PLCB4: variants seen among roughly 807,000 people sequenced by gnomAD.
The protein encoded by PLCB4 is phospholipase C beta 4, also known as 1-phosphatidylinositol 4,5-bisphosphate phosphodiesterase beta-4.
Under a neutral mutation model 178.8 loss-of-function variants are expected in PLCB4, and 77 were observed. The ratio of observed to expected loss-of-function variants is 0.43; its 90% confidence interval spans 0.36 to 0.52. The LOEUF (loss-of-function observed/expected upper bound fraction) is 0.52. Ranked by LOEUF, PLCB4 falls within the 20% of genes least tolerant of loss-of-function variation. PLCB4 has a pLI of 0.00. For missense variants in PLCB4, 1,024 were observed against 1,453.4 expected, an observed-to-expected ratio of 0.70 and a Z score of 4.80; for synonymous variants, 496 against 490.8, an observed-to-expected ratio of 1.01 and a Z score of -0.14.
intron 3 of PLCB4, among the ~76,000 whole-genome samples, chr20:9,273,905 G>A (rs1323839223): frequency 6.6e-6 from 1 of 152,064 alleles, no homozygotes; most frequent in Non-Finnish European, 1.5e-5. Context: ...GACAATGAAA[G>A]AAAGAACAGG....
chr20:9,448,811 A>T (rs1602841980), intron 32 of PLCB4, among the ~76,000 whole-genome samples: 1 of 152,182 alleles, frequency 6.6e-6, no homozygotes, highest in Non-Finnish European at 1.5e-5. Context: ...AGTTTAAGAA[A>T]TAAATGTATG....
At chr20:9,338,755 T>C (rs976590474) in intron 6 of PLCB4, 139 bp from the exon 7 acceptor site, 6 of 635,250 alleles carry the variant, frequency 9.4e-6, no homozygotes, top group Non-Finnish European at 1.6e-5. Flanking sequence ...ATTTCACCTC[T>C]ACAGGTTTTA....
At chr20:9,450,676 T>TTTTTTTTTTTTTTTCTC (rs2042708687) in intron 32 of PLCB4, among the ~76,000 whole-genome samples, 1 of 145,214 alleles carries the variant, frequency 6.9e-6, no homozygotes, top group Non-Finnish European at 1.5e-5. Context: ...TTTTTTTTTT[T>TTTTTTTTTTTTTTTCTC]TTGAGATGGA....
chr20:9,329,211 G>A (rs2031242184), intron 4 of PLCB4, among the ~76,000 whole-genome samples: 1 of 152,152 alleles, frequency 6.6e-6, no homozygotes, highest in Non-Finnish European at 1.5e-5. Flanking sequence ...ACCTGTACAA[G>A]CTTCCAGCTT....
chr20:9,288,202 G>A (rs971756381), intron 3 of PLCB4, among the ~76,000 whole-genome samples: 9 of 151,958 alleles, frequency 5.9e-5, no homozygotes, highest in African/African-American at 2.2e-4. Flanking sequence ...TAAAATTGTG[G>A]CACAGAAATG....
intron 3 of PLCB4, among the ~76,000 whole-genome samples, chr20:9,274,577 A>G (rs1352637095): frequency 2.0e-5 from 3 of 152,104 alleles, no homozygotes; most frequent in Non-Finnish European, 2.9e-5. Context: ...TGGACAATGC[A>G]TTTTTATAAT....
At chr20:9,142,277 A>C (rs981126422) in intron 2 of PLCB4, among the ~76,000 whole-genome samples, 3 of 152,108 alleles carry the variant, frequency 2.0e-5, no homozygotes, top group African/African-American at 7.2e-5. Context: ...GTCTGGATTC[A>C]TAGTGAGGAA....
intron 4 of PLCB4, among the ~76,000 whole-genome samples, chr20:9,313,974 G>A (rs562067255): frequency 6.6e-6 from 1 of 152,338 alleles, no homozygotes; most frequent in Admixed American, 6.5e-5. Flanking sequence ...AAGCCTCAAT[G>A]AGGAGGCCCG....
intron 2 of PLCB4, among the ~76,000 whole-genome samples, chr20:9,182,939 G>A (rs547377180): frequency 2.5e-4 from 38 of 152,210 alleles, no homozygotes; most frequent in African/African-American, 7.9e-4. Flanking sequence ...GGAAGAATAC[G>A]CTTACAGGGC....
chr20:9,260,247 A>G (rs1329318086), intron 3 of PLCB4, among the ~76,000 whole-genome samples: 1 of 152,170 alleles, frequency 6.6e-6, no homozygotes, highest in Non-Finnish European at 1.5e-5. Flanking sequence ...AAGAAAAAAT[A>G]AATAAAATAC....
chr20:9,473,810 A>G (rs1176948860), intron 38 of PLCB4, among the ~76,000 whole-genome samples: 1 of 152,230 alleles, frequency 6.6e-6, no homozygotes, highest in African/African-American at 2.4e-5. Context: ...TACAGGTGGT[A>G]TCTAAAGTCA....
chr20:9,286,687 C>A (rs561219339), intron 3 of PLCB4, among the ~76,000 whole-genome samples: 1 of 152,072 alleles, frequency 6.6e-6, no homozygotes, highest in African/African-American at 2.4e-5. Context: ...TATTTTAAGA[C>A]CACGCCAGTG....
chr20:9,400,744 C>T (rs376436211), intron 19 of PLCB4, among the ~76,000 whole-genome samples: 11 of 152,314 alleles, frequency 7.2e-5, no homozygotes, highest in African/African-American at 2.4e-4. Flanking sequence ...CATTTTCCAG[C>T]AGGTACTTCT....
At chr20:9,380,976 T>C (rs1384469680) in intron 13 of PLCB4, among the ~76,000 whole-genome samples, 1 of 152,194 alleles carries the variant, frequency 6.6e-6, no homozygotes, top group African/African-American at 2.4e-5. Flanking sequence ...TGTGGTTGAA[T>C]GGTCTGTATG....
At position 9,213,128 on chromosome 20, in the gene PLCB4, CTTTTTT is replaced by C. The variant is rs56785951; in HGVS notation, c.-78-4237_-78-4232del. Among the ~76,000 whole-genome samples, 302 of 35,746 alleles carry C rather than the reference CTTTTTT, an allele frequency of 8.4e-3. 7 individuals are homozygous for C. Among genetic ancestry groups the C allele is most frequent in the African/African-American group, 0.035 (288 of 8,140 alleles). The allele number at this position is 35,746 out of a possible 152,430, so 23.5% of individuals were successfully genotyped here. A position where few individuals can be genotyped will look rare whatever the true frequency, so the allele number is the denominator to read the frequency against. Reference sequence around the variant, plus strand: ...TGCTTGGCTTCTCTCCGTTAGCATACTTTTTTTTTTTTTTTTTTTTTTTTTTTTTTA... The same window carrying C: ...TGCTTGGCTTCTCTCCGTTAGCATACTTTTTTTTTTTTTTTTTTTTTTTTA... On this transcript the variant is annotated intron_variant, in intron 2 of 39. Coordinates refer to ENST00000378473, the MANE Select transcript of PLCB4 (RefSeq NM_001377142.1).
chr20:9,074,488 T>A (rs1239905094), intron 1 of PLCB4, among the ~76,000 whole-genome samples: 1 of 152,222 alleles, frequency 6.6e-6, no homozygotes, highest in Non-Finnish European at 1.5e-5. Context: ...CATCTTGTTC[T>A]CTTTCATAGG....
At chr20:9,314,789 G>A (rs1163969287) in intron 4 of PLCB4, among the ~76,000 whole-genome samples, 1 of 152,030 alleles carries the variant, frequency 6.6e-6, no homozygotes, top group Non-Finnish European at 1.5e-5. Context: ...ATGAAGGAAT[G>A]AGGACCCCAA....
chr20:9,247,112 T>G (rs189471701), intron 3 of PLCB4, among the ~76,000 whole-genome samples: 161 of 152,320 alleles, frequency 1.1e-3, no homozygotes, highest in African/African-American at 3.6e-3. Context: ...GATATCTGTG[T>G]TTTTTATTGG....
At chr20:9,123,880 C>T (rs1307154836) in intron 2 of PLCB4, among the ~76,000 whole-genome samples, 3 of 151,706 alleles carry the variant, frequency 2.0e-5, no homozygotes, top group Admixed American at 6.6e-5. Flanking sequence ...TGTAAAAGGC[C>T]AGAAAGTATT....
Sources: allele counts gnomAD v4.1 joint callset (sites outside exome capture counted in the v4.1 genomes callset), GRCh38; gene constraint gnomAD v4.1.1; transcripts MANE v1.5; gene names NCBI Gene and HGNC (gene_info 2026-07-23, HGNC 2026-07-21).